The following PRSS57 variants were observed in gnomAD, a reference collection of about 807,000 sequenced individuals.
PRSS57 encodes serine protease 57.
A neutral mutation model predicts 20.6 loss-of-function variants in PRSS57; 19 were observed. That is an observed-to-expected ratio of 0.92 (90% CI 0.64 to 1.35). The LOEUF is 1.35. PRSS57 is among the 40% of genes most tolerant of loss of function. The probability of loss-of-function intolerance (pLI) is 0.00; values close to 1 mark genes in which losing one functional copy is unlikely to be tolerated. For synonymous variants in PRSS57, 203 were observed against 176.6 expected (o/e 1.15, Z -1.19); for missense variants, 440 against 403.7 (o/e 1.09, Z -0.77).
At chr19:686,858 C>A in intron 4 of PRSS57, 67 bp downstream of exon 4, 1 of 1,552,738 alleles carries the variant, frequency 6.4e-7, no homozygotes, top group East Asian at 2.3e-5. Flanking sequence ...CCTTCCTGGC[C>A]CTGACCCTCT....
Position 691,128 on chromosome 19 carries a change from C to G in PRSS57, c.378+730G>C, listed in dbSNP as rs868340882. On this transcript the variant is annotated intron_variant, in intron 3 of 4. Coordinates refer to ENST00000329267, the MANE Select transcript of PRSS57 (RefSeq NM_001308209.2). ...ACTGGCCATCTTGTGAAGACTCACACCAGAGTCTCCGTGCAGACGCCCGGC... is the reference window on the plus strand; with the variant it reads ...ACTGGCCATCTTGTGAAGACTCACAGCAGAGTCTCCGTGCAGACGCCCGGC... The G allele has an allele frequency of 1.4e-5, 3 of 221,714 alleles. No homozygotes were observed. The South Asian group carries it at 2.7e-4, about 20-fold the overall frequency. 13.7% of individuals were successfully genotyped at this position (221,714 alleles called of 1,614,324 possible).
At chr19:688,951 A>C (rs1306475782) in intron 3 of PRSS57, among the ~76,000 whole-genome samples, 1 of 152,168 alleles carries the variant, frequency 6.6e-6, no homozygotes, top group Non-Finnish European at 1.5e-5. Context: ...CCCGAGAGGC[A>C]CATTCATTCC....
In PRSS57 at chr19:694,937, TG is replaced by T. The variant is rs756475077; in HGVS notation, c.109del (p.His37ThrfsTer3). 3.2e-6 allele frequency: 5 copies of T among 1,573,728 alleles called. No homozygotes were observed. The Middle Eastern group carries it at 6.9e-4, about 216-fold the overall frequency. Reference sequence around the variant, plus strand: ...GGGCCTGGAGTGGGGGGTCACCTCGTGGCCCCCGATGATCTGGGCCCCCCAG... The same window carrying T: ...GGGCCTGGAGTGGGGGGTCACCTCGTGCCCCCGATGATCTGGGCCCCCCAG... Reference protein sequence around the residue: ...GSWGAQIIGGHEVTPHSRPYM... With the variant: ...GSWGAQIIGGXEVTPHSRPYM... On this transcript the variant is annotated frameshift_variant, in exon 2 of 5. Transcript: ENST00000329267. LOFTEE classifies it high-confidence loss of function.
chr19:687,701 A>G (rs56269920), intron 3 of PRSS57, among the ~76,000 whole-genome samples: 3,556 of 152,144 alleles, frequency 0.023, 63 homozygotes, highest in South Asian at 0.049. Flanking sequence ...CGCCGCGCCC[A>G]GCCTCAAAGA....
At chr19:687,313 C>T (rs905072083) in intron 3 of PRSS57, 125 bp from the exon 4 acceptor site, 24 of 1,184,810 alleles carry the variant, frequency 2.0e-5, no homozygotes, top group Middle Eastern at 2.9e-4. Flanking sequence ...ACCATGAGGC[C>T]GGGTCAGGAG....
chr19:689,563 G>A (rs1370591703), intron 3 of PRSS57, among the ~76,000 whole-genome samples: 1 of 151,984 alleles, frequency 6.6e-6, no homozygotes, highest in Non-Finnish European at 1.5e-5. Context: ...CCTGCAGGAG[G>A]TGGGAGCCAC....
chr19:688,885 C>T (rs2031550072), intron 3 of PRSS57, among the ~76,000 whole-genome samples: 1 of 152,166 alleles, frequency 6.6e-6, no homozygotes, highest in African/African-American at 2.4e-5. Context: ...AGGTGTGAGC[C>T]ACCACGCCCG....
chr19:689,395 G>A (rs552660641), intron 3 of PRSS57, among the ~76,000 whole-genome samples: 3 of 152,170 alleles, frequency 2.0e-5, no homozygotes, highest in East Asian at 3.9e-4. Flanking sequence ...AAAGGCTCGC[G>A]GTGTCTGGGG....
intron 3 of PRSS57, among the ~76,000 whole-genome samples, chr19:689,681 G>T (rs2144811593): frequency 1.3e-5 from 2 of 152,284 alleles, no homozygotes; most frequent in Middle Eastern, 6.8e-3. Flanking sequence ...CACTTTGCGG[G>T]GCTGAGGCAG....
At chr19:690,879 C>T (rs910913973) in intron 3 of PRSS57, 9 of 384,478 alleles carry the variant, frequency 2.3e-5, no homozygotes, top group South Asian at 1.7e-4. Flanking sequence ...TGCGGCTCTG[C>T]GCTGGTGTGC....
chr19:692,656 A>G (rs1389559401), intron 2 of PRSS57, among the ~76,000 whole-genome samples: 1 of 151,718 alleles, frequency 6.6e-6, no homozygotes, highest in East Asian at 2.0e-4. Flanking sequence ...ACCTGAAGTG[A>G]TCCACCTGCC....
intron 4 of PRSS57, 104 bp from the exon 5 acceptor site, chr19:686,026 C>A: frequency 9.7e-7 from 1 of 1,035,980 alleles, no homozygotes. Context: ...CCCTACTGCT[C>A]TCCAAGGAAA....
chr19:690,182 G>A (rs1447684987), intron 3 of PRSS57, among the ~76,000 whole-genome samples: 7 of 150,288 alleles, frequency 4.7e-5, no homozygotes, highest in African/African-American at 1.2e-4. Context: ...GTGGTGGCGG[G>A]CGCCTGTAAT....
chr19:690,872 G>A (rs1346410164), intron 3 of PRSS57: 5 of 362,720 alleles, frequency 1.4e-5, no homozygotes, highest in East Asian at 7.0e-5. Context: ...AGGCCGCTGC[G>A]GCTCTGCGCT....
chr19:691,765 G>A, intron 3 of PRSS57, 93 bp downstream of exon 3: 1 of 1,182,724 alleles, frequency 8.5e-7, no homozygotes, highest in Non-Finnish European at 1.1e-6. Context: ...GTTGCAGTGA[G>A]CCGAGATTGC....
At position 693,934 on chromosome 19, in the gene PRSS57, G is replaced by A. The variant is rs1188685987; in HGVS notation, c.233+880C>T. 2.6e-5 allele frequency among the ~76,000 whole-genome samples: 4 copies of A among 152,084 alleles called. 1 individual carries two copies. Among genetic ancestry groups the A allele is most frequent in the South Asian group, 4.1e-4 (2 of 4,824 alleles). On this transcript the variant is annotated intron_variant, in intron 2 of 4. Transcript: ENST00000329267. ...TTTTTGTATTTTTAGTAGAGATGGG[G>A]TTTCACTGTATTAGCCAGGATGGTC...
At position 689,163 on chromosome 19, in the gene PRSS57, AGGGGTTAG is replaced by A. The variant is rs1174471537; in HGVS notation, c.379-1983_379-1976del. On this transcript the variant is annotated intron_variant, in intron 3 of 4. Coordinates refer to ENST00000329267, the MANE Select transcript of PRSS57 (RefSeq NM_001308209.2). The stretch of plus-strand genomic sequence containing the variant: ...GACGACGGTGCTAGAAGGGTGGTCC[AGGGGTTAG>A]CAGGTGACGACGGGGCTGGAAGGGT... Among the ~76,000 whole-genome samples the A allele has an allele frequency of 1.5e-3, 200 of 129,772 alleles. 1 individual carries two copies. The highest frequency in any genetic ancestry group is 7.8e-3 in the Middle Eastern group (2 of 256). The allele number at this position is 129,772 out of a possible 152,430, so 85.1% of individuals were successfully genotyped here.
intron 2 of PRSS57, among the ~76,000 whole-genome samples, chr19:693,088 C>T (rs1027494883): frequency 6.6e-6 from 1 of 151,734 alleles, no homozygotes; most frequent in Non-Finnish European, 1.5e-5. Context: ...CCACCATATC[C>T]GGCTAATTTT....
intron 4 of PRSS57, among the ~76,000 whole-genome samples, chr19:686,125 C>T (rs923349804): frequency 8.5e-5 from 13 of 152,148 alleles, no homozygotes; most frequent in East Asian, 3.9e-4. Context: ...CAGTGCTCCA[C>T]GGCCTTTGTA....
Sources: gnomAD v4.1 joint callset for allele counts (sites outside exome capture counted in the v4.1 genomes callset) on GRCh38, gnomAD v4.1.1 for gene constraint, MANE v1.5 for transcripts, NCBI Gene and HGNC (gene_info 2026-07-23, HGNC 2026-07-21) for gene names.